The following OPTN variants were observed in gnomAD, a reference collection of about 807,000 sequenced individuals.
OPTN encodes E3-14.7K-interacting protein.
OPTN carries 54 observed loss-of-function variants against 70.4 expected under a neutral mutation model. The ratio of observed to expected loss-of-function variants is 0.77; its 90% CI spans 0.62 to 0.96. OPTN has a LOEUF of 0.96. Among genes scored for constraint, OPTN ranks in the 40% least tolerant of loss-of-function variants. OPTN has a pLI of 0.00. For synonymous variants in OPTN, 256 were observed against 248.5 expected, an observed-to-expected ratio of 1.03 and a Z score of -0.28; for missense variants, 624 against 673.2, an observed-to-expected ratio of 0.93 and a Z score of 0.81.
At chr10:13,108,960 A>G in intron 2 of OPTN, 152 bp from the exon 3 acceptor site, 8 of 755,010 alleles carry the variant, frequency 1.1e-5, no homozygotes, top group Non-Finnish European at 1.6e-5. Flanking sequence ...TTTGTTTAAA[A>G]GGAAGAATCA....
intron 5 of OPTN, among the ~76,000 whole-genome samples, chr10:13,115,405 T>G: frequency 1.2e-5 from 1 of 86,750 alleles, no homozygotes; most frequent in East Asian, 3.2e-4. Context: ...GATATATCTG[T>G]ATTTATATTA....
chr10:13,118,949 G>A lies in OPTN; in HGVS notation c.688G>A (p.Glu230Lys), dbSNP rs1257961498. The change falls in exon 7 of 15, where the codon GAG becomes AAG. Residue 230 changes from glutamate (E) to lysine (K), a missense_variant. Glu to Lys is a moderately conservative substitution (Grantham distance 56). Transcript: ENST00000378747. ...GGCCAAGAATTACTTCGAACATGAG[G>A]AGTTAACTGTGAGCCAGCTCCTGCT... The part of the protein sequence containing the change: ...DGAKNYFEHE[E>K]LTVSQLLLCL... 1.2e-6 allele frequency: 2 copies of A among 1,613,888 alleles called. No homozygotes were observed. Among genetic ancestry groups the A allele is most frequent in the Non-Finnish European group, 1.7e-6 (2 of 1,179,878 alleles).
intron 3 of OPTN, 74 bp from the exon 4 acceptor site, chr10:13,110,200 T>C: frequency 6.3e-7 from 1 of 1,583,414 alleles, no homozygotes; most frequent in Non-Finnish European, 8.6e-7. Flanking sequence ...TCAAGTGGAC[T>C]AGAGGGAGAT....
At chr10:13,102,231 T>G in intron 1 of OPTN, among the ~76,000 whole-genome samples, 1 of 152,158 alleles carries the variant, frequency 6.6e-6, no homozygotes, top group Non-Finnish European at 1.5e-5. Context: ...AACCGTGAGC[T>G]CTTTAACGTG....
In OPTN at chr10:13,137,452, C is replaced by T; in HGVS notation, c.*586C>T. The T allele has an allele frequency of 4.3e-6, 1 of 232,100 alleles. No individual in the cohort carries two copies. The highest frequency in any genetic ancestry group is 8.6e-6 in the Non-Finnish European group (1 of 116,924). The allele number at this position is 232,100 out of a possible 1,614,324, so 14.4% of individuals were successfully genotyped here. On this transcript the variant is annotated 3_prime_UTR_variant, in exon 15 of 15. Coordinates refer to ENST00000378747, the MANE Select transcript of OPTN (RefSeq NM_001008212.2). ...TTTTATGTTTGGTTGATGCGAGCAG[C>T]TGCACTGCTCATGCAGTTAGCTAGC...
At chr10:13,134,009 G>A (rs1046738872) in intron 14 of OPTN, among the ~76,000 whole-genome samples, 28 of 152,110 alleles carry the variant, frequency 1.8e-4, no homozygotes, top group African/African-American at 4.8e-4. Context: ...GGGTTTCACC[G>A]TGTTGGCCAG....
chr10:13,126,575 C>T (rs1223525810), intron 11 of OPTN, among the ~76,000 whole-genome samples: 4 of 152,004 alleles, frequency 2.6e-5, no homozygotes, highest in Admixed American at 2.0e-4. Flanking sequence ...CCACCGCGCC[C>T]GGCCAGCACT....
intron 11 of OPTN, 143 bp downstream of exon 11, chr10:13,126,182 A>G (rs1054600045): frequency 6.2e-6 from 4 of 647,624 alleles, no homozygotes; most frequent in Non-Finnish European, 1.1e-5. Flanking sequence ...TCTTGCATCT[A>G]GGGTTTGTAA....
At chr10:13,119,416 T>C (rs920109077) in intron 7 of OPTN, among the ~76,000 whole-genome samples, 7 of 152,228 alleles carry the variant, frequency 4.6e-5, no homozygotes, top group Non-Finnish European at 7.3e-5. Flanking sequence ...TAACCTTCCA[T>C]TGTCTATATA....
intron 5 of OPTN, among the ~76,000 whole-genome samples, chr10:13,114,713 A>G (rs1250649372): frequency 2.2e-5 from 3 of 136,852 alleles, no homozygotes; most frequent in Non-Finnish European, 4.6e-5. Flanking sequence ...AATATATAAT[A>G]TATTCTATAA....
At chr10:13,126,749 C>G (rs1833474708) in intron 11 of OPTN, among the ~76,000 whole-genome samples, 1 of 151,992 alleles carries the variant, frequency 6.6e-6, no homozygotes, top group South Asian at 2.1e-4. Context: ...AATAATGGAC[C>G]AGGTGTGGTA....
chr10:13,130,181 C>T (rs2131525555), intron 12 of OPTN, among the ~76,000 whole-genome samples: 1 of 152,128 alleles, frequency 6.6e-6, no homozygotes, highest in Non-Finnish European at 1.5e-5. Context: ...AATCCCAGCA[C>T]TTTGGGAGGC....
intron 1 of OPTN, among the ~76,000 whole-genome samples, chr10:13,106,553 C>T (rs1319852775): frequency 6.6e-6 from 1 of 152,096 alleles, no homozygotes; most frequent in African/African-American, 2.4e-5. Context: ...ATGAGAATGC[C>T]CCTCTTGGTA....
rs7086894 is a variant in OPTN, at chr10:13,133,682, A to C, written c.1612+101A>C. 319,402 of 1,044,674 alleles carry C rather than the reference A, an allele frequency of 0.31. 49,914 individuals carry two copies. Among genetic ancestry groups the C allele is most frequent in the East Asian group, 0.39 (15,318 of 39,246 alleles). 64.7% of individuals were successfully genotyped at this position (1,044,674 alleles called of 1,614,324 possible). A position where few individuals can be genotyped will look rare whatever the true frequency, so the allele number is the denominator to read the frequency against. On this transcript the variant is annotated intron_variant, in intron 14 of 14. Transcript: ENST00000378747. ...CATTCTCTACAATGGATTCCAAATC[A>C]AGGCACCAAAAATATAGCACCCGTC...
chr10:13,121,527 A>AAAAG (rs1833351717), intron 7 of OPTN, among the ~76,000 whole-genome samples: 1 of 149,072 alleles, frequency 6.7e-6, no homozygotes, highest in African/African-American at 2.5e-5. Flanking sequence ...AAAAAAAAAA[A>AAAAG]GTGTTACATA....
intron 1 of OPTN, among the ~76,000 whole-genome samples, chr10:13,107,220 C>T (rs1311280218): frequency 1.3e-5 from 2 of 151,304 alleles, no homozygotes; most frequent in Non-Finnish European, 3.0e-5. Context: ...ACTAAAAATA[C>T]AAAAATTGGC....
intron 14 of OPTN, among the ~76,000 whole-genome samples, chr10:13,135,434 C>A (rs867797880): frequency 6.6e-6 from 1 of 151,674 alleles, no homozygotes; most frequent in South Asian, 2.1e-4. Context: ...ATTCTCAAGG[C>A]CCCTCTCAAG....
At chr10:13,127,988 T>C in intron 12 of OPTN, 85 bp downstream of exon 12, 1 of 1,467,244 alleles carries the variant, frequency 6.8e-7, no homozygotes, top group Non-Finnish European at 9.5e-7. Context: ...TTAGAATGTT[T>C]GTAATTTTCT....
intron 7 of OPTN, among the ~76,000 whole-genome samples, chr10:13,120,533 C>T (rs1381167673): frequency 2.0e-5 from 3 of 149,658 alleles, no homozygotes; most frequent in South Asian, 2.1e-4. Context: ...AGTTGGCCAC[C>T]GCACTCCAGC....
Sources: allele counts gnomAD v4.1 joint callset (sites outside exome capture counted in the v4.1 genomes callset), GRCh38; gene constraint gnomAD v4.1.1; transcripts MANE v1.5; gene names NCBI Gene and HGNC (gene_info 2026-07-23, HGNC 2026-07-21).